ADAMTS20: variants seen among roughly 807,000 people sequenced by gnomAD.
The protein encoded by ADAMTS20 is ADAM metallopeptidase with thrombospondin type 1 motif 20.
Under a neutral mutation model 260.1 loss-of-function variants are expected in ADAMTS20, and 225 were observed. The ratio of observed to expected loss-of-function variants is 0.87; its 90% confidence interval spans 0.78 to 0.97. The LOEUF (loss-of-function observed/expected upper bound fraction) is 0.97. Ranked by LOEUF, ADAMTS20 falls within the 50% of genes least tolerant of loss-of-function variation. ADAMTS20 has a pLI of 0.00. For missense variants in ADAMTS20, 2,400 were observed against 2,337.7 expected, an observed-to-expected ratio of 1.03 and a Z score of -0.55; for synonymous variants, 802 against 769.5, an observed-to-expected ratio of 1.04 and a Z score of -0.70.
intron 36 of ADAMTS20, among the ~76,000 whole-genome samples, chr12:43,375,020 AAGTT>A (rs1940189863): frequency 6.6e-6 from 1 of 152,194 alleles, no homozygotes; most frequent in African/African-American, 2.4e-5. Flanking sequence ...AAAATACAAA[AAGTT>A]AGCTGGGCAT....
rs139005992 is a variant in ADAMTS20 at position 43,464,701 on chromosome 12, G to A, written c.1399C>T (p.Pro467Ser). The change falls in exon 10 of 39, where the codon CCA (proline) becomes TCA (serine). Residue 467 changes from proline to serine, a missense_variant. Physicochemically the swap from Pro to Ser is moderately conservative, Grantham distance 74. Coordinates refer to ENST00000389420, the MANE Select transcript of ADAMTS20 (RefSeq NM_025003.5). ...TGYGECLLDK[P>S]DEEIYNLPSE... ...GGCAGATTATATATTTCTTCATCTG[G>A]TTTGTCAAGAAGACATTCCCCGTAA... The A allele has an allele frequency of 1.2e-6, 2 of 1,612,888 alleles. No individual in the cohort carries two copies. Among genetic ancestry groups the A allele is most frequent in the African/African-American group, 2.7e-5 (2 of 74,874 alleles).
chr12:43,485,869 A>T (rs1286338550), intron 7 of ADAMTS20, among the ~76,000 whole-genome samples: 1 of 152,170 alleles, frequency 6.6e-6, no homozygotes, highest in Admixed American at 6.5e-5. Flanking sequence ...TTAACCAAGG[A>T]GGTGGAAAAT....
At chr12:43,420,877 G>A (rs1391533244) in intron 28 of ADAMTS20, among the ~76,000 whole-genome samples, 1 of 133,562 alleles carries the variant, frequency 7.5e-6, no homozygotes. Context: ...GCACCATCTC[G>A]GCTCATTGCA....
chr12:43,442,084 G>C (rs190802793), intron 16 of ADAMTS20, among the ~76,000 whole-genome samples: 8 of 151,952 alleles, frequency 5.3e-5, no homozygotes, highest in African/African-American at 1.9e-4. Flanking sequence ...TACTGGCTTA[G>C]AAAAAAAGTC....
chr12:43,441,410 A>C (rs2137328421), intron 16 of ADAMTS20, among the ~76,000 whole-genome samples: 1 of 152,192 alleles, frequency 6.6e-6, no homozygotes, highest in Admixed American at 6.5e-5. Context: ...CATGTCACCC[A>C]AAATCATGCG....
chr12:43,396,054 G>A (rs1033176905), intron 29 of ADAMTS20, among the ~76,000 whole-genome samples: 5 of 151,990 alleles, frequency 3.3e-5, no homozygotes, highest in African/African-American at 1.2e-4. Flanking sequence ...AGGAAGTGGG[G>A]GTGGGGTGGG....
chr12:43,483,060 A>C (rs1325940146), intron 7 of ADAMTS20, among the ~76,000 whole-genome samples: 1 of 152,182 alleles, frequency 6.6e-6, no homozygotes, highest in African/African-American at 2.4e-5. Flanking sequence ...CACTAAGGCT[A>C]CTTATAATGA....
intron 3 of ADAMTS20, among the ~76,000 whole-genome samples, chr12:43,527,242 G>A (rs1297555061): frequency 6.6e-6 from 1 of 152,146 alleles, no homozygotes; most frequent in African/African-American, 2.4e-5. Context: ...TAGATTCACA[G>A]TTGAATTCTA....
intron 35 of ADAMTS20, 62 bp from the exon 36 acceptor site, chr12:43,375,574 C>A: frequency 6.4e-7 from 1 of 1,559,364 alleles, no homozygotes; most frequent in Non-Finnish European, 8.7e-7. Context: ...TGTAGACAAA[C>A]TTTGGGAGTA....
intron 3 of ADAMTS20, among the ~76,000 whole-genome samples, chr12:43,521,251 C>T (rs545393657): frequency 7.2e-5 from 11 of 152,318 alleles, no homozygotes; most frequent in African/African-American, 2.4e-4. Context: ...AGCCAGAACT[C>T]GCTTACTGAG....
At chr12:43,427,209 G>A (rs1941349533) in intron 27 of ADAMTS20, 99 bp downstream of exon 27, 2 of 1,350,048 alleles carry the variant, frequency 1.5e-6, no homozygotes, top group East Asian at 2.4e-5. Flanking sequence ...TTTCTACATA[G>A]TATAGTGAAA....
intron 20 of ADAMTS20, 54 bp downstream of exon 20, chr12:43,432,547 T>C (rs1415686208): frequency 1.2e-6 from 2 of 1,604,670 alleles, no homozygotes; most frequent in Non-Finnish European, 1.7e-6. Context: ...GTAACATAAA[T>C]ACGTAATTAG....
intron 27 of ADAMTS20, among the ~76,000 whole-genome samples, chr12:43,426,338 T>G (rs916935185): frequency 6.6e-6 from 1 of 152,164 alleles, no homozygotes. Context: ...TACTTTCGTT[T>G]TGGAAAACAG....
At chr12:43,488,405 C>CA (rs1411775977) in intron 7 of ADAMTS20, among the ~76,000 whole-genome samples, 1 of 152,148 alleles carries the variant, frequency 6.6e-6, no homozygotes, top group Admixed American at 6.6e-5. Flanking sequence ...GCAACCCACA[C>CA]AGTGACTTCG....
intron 24 of ADAMTS20, 122 bp from the exon 25 acceptor site, chr12:43,428,921 T>G: frequency 1.2e-6 from 1 of 827,188 alleles, no homozygotes; most frequent in Non-Finnish European, 1.7e-6. Flanking sequence ...TAAATTATTA[T>G]AGATAATATT....
At chr12:43,439,150 TC>T (rs2137323161) in intron 18 of ADAMTS20, among the ~76,000 whole-genome samples, 1 of 152,302 alleles carries the variant, frequency 6.6e-6, no homozygotes, top group Non-Finnish European at 1.5e-5. Context: ...TCTATTTCTT[TC>T]CATTTTTCAT....
At position 43,366,726 on chromosome 12, in the gene ADAMTS20, T is replaced by C. The variant is rs561998678; in HGVS notation, c.5538+2564A>G. On this transcript the variant is annotated intron_variant, in intron 37 of 38. Coordinates refer to ENST00000389420, the MANE Select transcript of ADAMTS20 (RefSeq NM_025003.5). ...AACCAATATACCAAAGACCTAACTA[T>C]AGATAATAGAAAATAAAATAAATGA... Among the ~76,000 whole-genome samples the C allele has an allele frequency of 4.6e-5, 7 of 151,618 alleles. No homozygotes were observed. The South Asian group carries it at 8.3e-4, about 18-fold the overall frequency.
rs569299329 is a variant in ADAMTS20, at chr12:43,427,544, A to G, written c.3946-75T>C. The stretch of plus-strand genomic sequence containing the variant: ...TGAATTTACATGGTAAAAAAAAAAA[A>G]TCAGCATTGACTCAATCAAAATCAA... On this transcript the variant is annotated intron_variant, in intron 26 of 38. Transcript: ENST00000389420. 1.3e-4 allele frequency: 176 copies of G among 1,349,300 alleles called. 1 individual carries two copies. In the South Asian group the frequency reaches 2.6e-3, roughly 20 times the overall value. 83.6% of individuals were successfully genotyped at this position (1,349,300 alleles called of 1,614,324 possible). A position where few individuals can be genotyped will look rare whatever the true frequency, so the allele number is the denominator to read the frequency against.
intron 3 of ADAMTS20, among the ~76,000 whole-genome samples, chr12:43,504,296 A>G (rs117620968): frequency 2.6e-5 from 4 of 152,088 alleles, no homozygotes; most frequent in Non-Finnish European, 4.4e-5. Context: ...TCTGATGTGC[A>G]TTTCTCTAAC....
Sources: allele counts gnomAD v4.1 joint callset (sites outside exome capture counted in the v4.1 genomes callset), GRCh38; gene constraint gnomAD v4.1.1; transcripts MANE v1.5; gene names NCBI Gene and HGNC (gene_info 2026-07-23, HGNC 2026-07-21).